Variants in OR3A3 observed in about 807,000 individuals in gnomAD.
OR3A3 encodes the protein olfactory receptor family 3 subfamily A member 3, also known as olfactory receptor 3A3.
For missense variants in OR3A3, 275 were observed against 391.4 expected, an observed-to-expected ratio of 0.70 and a Z score of 2.51; for synonymous variants, 103 against 163.9, an observed-to-expected ratio of 0.63 and a Z score of 2.84.
At chr17:3,417,893 A>T in intron 2 of OR3A3, among the ~76,000 whole-genome samples, 1 of 152,284 alleles carries the variant, frequency 6.6e-6, no homozygotes, top group Non-Finnish European at 1.5e-5. Flanking sequence ...GTCTCCTGGT[A>T]CATGTTGTGA....
At chr17:3,423,537 C>T (rs2072450470) in exon 3 of OR3A3, 1 of 152,082 alleles carries the variant, frequency 6.6e-6, no homozygotes, top group South Asian at 2.1e-4. Flanking sequence ...AATATTATAC[C>T]TGATAGTGGA....
chr17:3,421,426 A>G (rs12939997), exon 3 of OR3A3: 29,895 of 1,611,902 alleles, frequency 0.019, 721 homozygotes, highest in African/African-American at 0.11. Context: ...TGGGGTTTTC[A>G]TGACTGTGAT....
intron 2 of OR3A3, among the ~76,000 whole-genome samples, chr17:3,413,117 T>C (rs2072370983): frequency 2.6e-5 from 4 of 152,236 alleles, no homozygotes; most frequent in African/African-American, 2.4e-5. Context: ...GAAAGATATG[T>C]TCTATAGAGC....
chr17:3,419,807 C>T (rs1380417135), intron 2 of OR3A3, among the ~76,000 whole-genome samples: 2 of 146,106 alleles, frequency 1.4e-5, no homozygotes, highest in Non-Finnish European at 1.5e-5. Flanking sequence ...GATCTCGGCT[C>T]ACTGCAAGCT....
At chr17:3,416,558 A>C (rs188955115) in intron 2 of OR3A3, among the ~76,000 whole-genome samples, 58 of 152,088 alleles carry the variant, frequency 3.8e-4, no homozygotes, top group African/African-American at 1.4e-3. Context: ...CATTAGTGGC[A>C]ATTGGAAGCT....
intron 2 of OR3A3, among the ~76,000 whole-genome samples, chr17:3,412,548 G>T (rs1470811874): frequency 1.3e-5 from 2 of 148,392 alleles, no homozygotes; most frequent in Non-Finnish European, 3.0e-5. Context: ...GGGGAGCCTC[G>T]AGAGTGGTCG....
chr17:3,423,456 G>A (rs2072449914), exon 3 of OR3A3: 1 of 152,204 alleles, frequency 6.6e-6, no homozygotes, highest in Admixed American at 6.5e-5. Context: ...AAGTGAGAAA[G>A]ATGTACTTCC....
At chr17:3,421,680 T>A in exon 3 of OR3A3, 1 of 749,804 alleles carries the variant, frequency 1.3e-6, no homozygotes. Context: ...AAACCCTATA[T>A]AATTCATTCA....
At chr17:3,411,510 A>T (rs2072361976) in intron 1 of OR3A3, 26 bp downstream of exon 1, 1 of 152,562 alleles carries the variant, frequency 6.6e-6, no homozygotes, top group South Asian at 2.1e-4. Flanking sequence ...TACTAAAAAA[A>T]TACAAAAAAT....
intron 2 of OR3A3, among the ~76,000 whole-genome samples, chr17:3,416,234 T>G (rs567555953): frequency 6.6e-6 from 1 of 152,196 alleles, no homozygotes; most frequent in African/African-American, 2.4e-5. Flanking sequence ...ATGGAAAGGA[T>G]CACATAATCT....
At chr17:3,416,048 G>C (rs1456752924) in intron 2 of OR3A3, among the ~76,000 whole-genome samples, 2 of 151,918 alleles carry the variant, frequency 1.3e-5, no homozygotes, top group African/African-American at 4.8e-5. Context: ...TTGAGCTCAA[G>C]TGATCCACCT....
chr17:3,423,111 C>T (rs1161546412), exon 3 of OR3A3: 2 of 152,176 alleles, frequency 1.3e-5, no homozygotes, highest in Admixed American at 6.5e-5. Flanking sequence ...CCTACTCATC[C>T]ACTGCTCTGT....
chr17:3,418,051 C>T (rs1482873051), intron 2 of OR3A3, among the ~76,000 whole-genome samples: 1 of 152,122 alleles, frequency 6.6e-6, no homozygotes, highest in Non-Finnish European at 1.5e-5. Flanking sequence ...TCCCTGAGGT[C>T]TTGTATCTCT....
At chr17:3,419,709 GA>G (rs2072414568) in intron 2 of OR3A3, among the ~76,000 whole-genome samples, 1 of 145,016 alleles carries the variant, frequency 6.9e-6, no homozygotes, top group African/African-American at 2.5e-5. Flanking sequence ...ATCCCTCAGA[GA>G]AAAATGGGAA....
At chr17:3,411,678 GA>G (rs1436672636) in intron 1 of OR3A3, among the ~76,000 whole-genome samples, 194 bp downstream of exon 1, 2 of 152,086 alleles carry the variant, frequency 1.3e-5, no homozygotes, top group Non-Finnish European at 2.9e-5. Context: ...CCGTCTCAAA[GA>G]AAAAAGAAAA....
chr17:3,416,975 C>T (rs1158075102), intron 2 of OR3A3, among the ~76,000 whole-genome samples: 1 of 149,192 alleles, frequency 6.7e-6, no homozygotes, highest in East Asian at 2.0e-4. Context: ...TTTATCACTC[C>T]TTCCCCTCAC....
chr17:3,412,610 G>A (rs227793), intron 2 of OR3A3, among the ~76,000 whole-genome samples: 27,969 of 133,042 alleles, frequency 0.21, 2,685 homozygotes, highest in East Asian at 0.54. Context: ...GACCCTCTGG[G>A]TGTCTCAGGG....
intron 2 of OR3A3, among the ~76,000 whole-genome samples, chr17:3,420,060 C>G (rs1351367815): frequency 1.3e-5 from 2 of 152,168 alleles, no homozygotes; most frequent in Admixed American, 6.5e-5. Context: ...AGCCACTGCG[C>G]CCGGGGAAAA....
At chr17:3,416,971 A>C (rs2150680999) in intron 2 of OR3A3, among the ~76,000 whole-genome samples, 1 of 149,986 alleles carries the variant, frequency 6.7e-6, no homozygotes, top group African/African-American at 2.4e-5. Flanking sequence ...TATCTTTATC[A>C]CTCCTTCCCC....
Sources: gnomAD v4.1 joint callset for allele counts (sites outside exome capture counted in the v4.1 genomes callset) on GRCh38, gnomAD v4.1.1 for gene constraint, MANE v1.5 for transcripts, NCBI Gene and HGNC (gene_info 2026-07-23, HGNC 2026-07-21) for gene names.